XIRP2: variants seen among roughly 807,000 people sequenced by gnomAD.
XIRP2 encodes xin actin-binding repeat-containing protein 2.
Under a neutral mutation model 277.0 loss-of-function variants are expected in XIRP2, and 236 were observed. That is an observed-to-expected ratio of 0.85 (90% confidence interval 0.77 to 0.95). The LOEUF (loss-of-function observed/expected upper bound fraction) is 0.95, where lower values mean the gene tolerates loss of function less well. XIRP2 is among the 40% of genes least tolerant of loss of function. The pLI, the probability that XIRP2 is intolerant of heterozygous loss-of-function variation, is 0.00. For synonymous variants in XIRP2, 1,490 were observed against 1,416.5 expected (o/e 1.05, Z -1.17); for missense variants, 4,640 against 4,157.5 (o/e 1.12, Z -3.19).
chr2:166,926,792 C>T (rs574045905), intron 2 of XIRP2, among the ~76,000 whole-genome samples: 6 of 152,182 alleles, frequency 3.9e-5, no homozygotes, highest in African/African-American at 9.6e-5. Flanking sequence ...ACATCAGCCC[C>T]GAACAATGTT....
chr2:167,075,230 A>G (rs1440319095), intron 2 of XIRP2, among the ~76,000 whole-genome samples: 1 of 152,170 alleles, frequency 6.6e-6, no homozygotes. Context: ...AAAAGCAAAA[A>G]GGCAGGGAAA....
intron 2 of XIRP2, among the ~76,000 whole-genome samples, chr2:167,108,316 C>G (rs1001601160): frequency 6.6e-6 from 1 of 151,710 alleles, no homozygotes; most frequent in African/African-American, 2.4e-5. Context: ...CATTGTTAAT[C>G]TGTTTTAATT....
At chr2:167,156,502 G>A (rs1325183282) in intron 3 of XIRP2, among the ~76,000 whole-genome samples, 1 of 152,012 alleles carries the variant, frequency 6.6e-6, no homozygotes, top group Admixed American at 6.6e-5. Flanking sequence ...TATAATTAAA[G>A]TGAATTATTT....
intron 4 of XIRP2, among the ~76,000 whole-genome samples, chr2:167,212,894 C>A (rs13022650): frequency 1.3e-5 from 1 of 75,812 alleles, no homozygotes; most frequent in Admixed American, 2.1e-4. Context: ...AAGCCACCCC[C>A]CCACCCCCCC....
At chr2:167,003,598 G>C (rs766725537) in intron 2 of XIRP2, among the ~76,000 whole-genome samples, 6 of 151,826 alleles carry the variant, frequency 4.0e-5, no homozygotes, top group Admixed American at 1.3e-4. Flanking sequence ...TATGGTTGGG[G>C]TATTTATTAT....
chr2:166,986,336 T>C (rs938398889), intron 2 of XIRP2, among the ~76,000 whole-genome samples: 1 of 152,214 alleles, frequency 6.6e-6, no homozygotes, highest in Non-Finnish European at 1.5e-5. Flanking sequence ...TCTATGTAAC[T>C]GATGTAATGT....
At chr2:167,126,471 A>C (rs1252872854) in intron 2 of XIRP2, among the ~76,000 whole-genome samples, 1 of 152,194 alleles carries the variant, frequency 6.6e-6, no homozygotes, top group Non-Finnish European at 1.5e-5. Flanking sequence ...ACACAGGAGC[A>C]TACAGATGAG....
intron 3 of XIRP2, among the ~76,000 whole-genome samples, chr2:167,177,524 T>G (rs1559008851): frequency 6.6e-6 from 1 of 152,222 alleles, no homozygotes; most frequent in Non-Finnish European, 1.5e-5. Flanking sequence ...CTATAATGTA[T>G]ATTAATTTGC....
At position 167,015,115 on chromosome 2, in the gene XIRP2, G is replaced by A. The variant is rs561080464; in HGVS notation, c.408+111225G>A. ...CTCACCTTTGACCACAGGCAAGTTG[G>A]TCATAAACAGCCCACCTGGCATCAC... On this transcript the variant is annotated intron_variant, in intron 2 of 10. Coordinates refer to ENST00000409195, the MANE Select transcript of XIRP2 (RefSeq NM_152381.6). Among the ~76,000 whole-genome samples the A allele has an allele frequency of 1.0e-3, 155 of 151,714 alleles. 2 individuals carry two copies. Among genetic ancestry groups the A allele is most frequent in the Non-Finnish European group, 8.8e-4 (60 of 67,880 alleles).
Position 167,030,643 on chromosome 2 carries a change from T to A in XIRP2, c.409-105266T>A, listed in dbSNP as rs557909756. On this transcript the variant is annotated intron_variant, in intron 2 of 10. Coordinates refer to ENST00000409195, the MANE Select transcript of XIRP2 (RefSeq NM_152381.6). ...TTTTACTTTGACTTATGTGATCAAT[T>A]TTAGAATAAGTGCGATGTGGTGCTG... is the stretch of plus-strand genomic sequence containing the variant. Among the ~76,000 whole-genome samples the A allele has an allele frequency of 4.6e-5, 7 of 152,262 alleles. No individual in the cohort carries two copies. The East Asian group carries it at 1.4e-3, about 29-fold the overall frequency.
intron 2 of XIRP2, among the ~76,000 whole-genome samples, chr2:167,007,917 TATA>T (rs1259791080): frequency 6.6e-6 from 1 of 151,656 alleles, no homozygotes; most frequent in African/African-American, 2.4e-5. Context: ...ATTTGGATTT[TATA>T]ATATTTGTGG....
At chr2:167,045,061 C>G (rs1688755073) in intron 2 of XIRP2, among the ~76,000 whole-genome samples, 1 of 151,680 alleles carries the variant, frequency 6.6e-6, no homozygotes, top group South Asian at 2.1e-4. Flanking sequence ...AACAGGTGGA[C>G]CAATGGAACA....
intron 2 of XIRP2, among the ~76,000 whole-genome samples, chr2:167,077,132 C>T (rs1021803188): frequency 6.6e-6 from 1 of 152,002 alleles, no homozygotes; most frequent in Non-Finnish European, 1.5e-5. Context: ...GGATTACAGG[C>T]GTGAGCCACC....
intron 3 of XIRP2, among the ~76,000 whole-genome samples, chr2:167,202,536 G>C (rs1289438485): frequency 6.6e-6 from 1 of 152,100 alleles, no homozygotes; most frequent in East Asian, 1.9e-4. Context: ...CAGGTAGGCG[G>C]ACATTTCTTT....
intron 2 of XIRP2, among the ~76,000 whole-genome samples, chr2:167,054,588 G>A (rs941733348): frequency 3.3e-5 from 5 of 151,932 alleles, no homozygotes; most frequent in African/African-American, 1.2e-4. Flanking sequence ...GCAGCCTGAG[G>A]CAGGAGAATC....
At chr2:167,115,420 G>A (rs1169462164) in intron 2 of XIRP2, among the ~76,000 whole-genome samples, 1 of 152,110 alleles carries the variant, frequency 6.6e-6, no homozygotes, top group African/African-American at 2.4e-5. Flanking sequence ...GAGGAAAGAA[G>A]GCACTCTGGC....
chr2:166,955,797 G>A (rs542729596), intron 2 of XIRP2, among the ~76,000 whole-genome samples: 29 of 150,030 alleles, frequency 1.9e-4, no homozygotes, highest in East Asian at 5.9e-4. Flanking sequence ...TGTGAAGTGG[G>A]TTTTTCTGTT....
chr2:167,178,918 G>T (rs1331343496), intron 3 of XIRP2, among the ~76,000 whole-genome samples: 3 of 152,098 alleles, frequency 2.0e-5, no homozygotes, highest in Non-Finnish European at 4.4e-5. Context: ...AACTTTCTCA[G>T]TGAAAGAATG....
At chr2:166,970,009 G>C (rs770398028) in intron 2 of XIRP2, among the ~76,000 whole-genome samples, 1 of 151,938 alleles carries the variant, frequency 6.6e-6, no homozygotes, top group African/African-American at 2.4e-5. Context: ...TCGCTTTCAG[G>C]TCTGGGTGAA....
Sources: gnomAD v4.1 joint callset for allele counts (sites outside exome capture counted in the v4.1 genomes callset) on GRCh38, gnomAD v4.1.1 for gene constraint, MANE v1.5 for transcripts, NCBI Gene and HGNC (gene_info 2026-07-23, HGNC 2026-07-21) for gene names.